TTBK2: variants seen among roughly 807,000 people sequenced by gnomAD.
TTBK2 encodes the protein tau tubulin kinase 2.
TTBK2 carries 28 observed loss-of-function variants against 110.8 expected under a neutral mutation model. The ratio of observed to expected loss-of-function variants is 0.25; its 90% CI spans 0.19 to 0.35. TTBK2 has a LOEUF of 0.35. Among genes scored for constraint, TTBK2 ranks in the 10% least tolerant of loss-of-function variants. The probability of loss-of-function intolerance (pLI) is 1.00; values close to 1 mark genes in which losing one functional copy is unlikely to be tolerated. For missense variants in TTBK2, 1,369 were observed against 1,500.3 expected, an observed-to-expected ratio of 0.91 and a Z score of 1.45; for synonymous variants, 532 against 527.3, an observed-to-expected ratio of 1.01 and a Z score of -0.12.
intron 3 of TTBK2, among the ~76,000 whole-genome samples, chr15:42,870,800 G>T (rs1032671894): frequency 5.3e-5 from 8 of 150,778 alleles, no homozygotes; most frequent in Admixed American, 4.6e-4. Flanking sequence ...GGTGGAGGCT[G>T]CAGTGAGCCG....
chr15:42,764,792 C>CAG (rs1889278513), intron 13 of TTBK2, among the ~76,000 whole-genome samples: 1 of 152,248 alleles, frequency 6.6e-6, no homozygotes, highest in Admixed American at 6.5e-5. Flanking sequence ...GGAGAATGGA[C>CAG]AGACTGCCTC....
rs1271122572 is a variant in TTBK2 at position 42,878,790 on chromosome 15, G to T, written c.-67-106C>A. 4 of 1,391,998 alleles carry T rather than the reference G, an allele frequency of 2.9e-6. No homozygotes were observed. The East Asian group carries it at 1.0e-4, about 36-fold the overall frequency. The allele number at this position is 1,391,998 out of a possible 1,614,324, so 86.2% of individuals were successfully genotyped here. A position where few individuals can be genotyped will look rare whatever the true frequency, so the allele number is the denominator to read the frequency against. On this transcript the variant is annotated intron_variant, in intron 1 of 14. Transcript: ENST00000267890. ...ACTACTAATACTATACACTAATTAG[G>T]CTATTTTGTTGGGAAGAAGGGGAAA...
chr15:42,903,695 C>T (rs544236362), intron 1 of TTBK2, among the ~76,000 whole-genome samples: 2 of 152,188 alleles, frequency 1.3e-5, no homozygotes, highest in African/African-American at 4.8e-5. Context: ...AAAAATGGCT[C>T]TCAATGACCC....
At chr15:42,796,221 T>C (rs1049106171) in intron 9 of TTBK2, among the ~76,000 whole-genome samples, 3 of 152,058 alleles carry the variant, frequency 2.0e-5, no homozygotes, top group Admixed American at 6.6e-5. Context: ...CTGGCCAACA[T>C]GGTGAAACTC....
intron 4 of TTBK2, among the ~76,000 whole-genome samples, chr15:42,832,099 T>C (rs1892785565): frequency 6.6e-6 from 1 of 152,198 alleles, no homozygotes; most frequent in South Asian, 2.1e-4. Context: ...ATAGTTATTA[T>C]TTTTAATGGA....
intron 9 of TTBK2, chr15:42,800,951 C>A: frequency 1.4e-6 from 1 of 737,978 alleles, no homozygotes; most frequent in Non-Finnish European, 2.5e-6. Context: ...GAGGGACAGG[C>A]TGGGAGGGGC....
chr15:42,824,441 T>C (rs1238703743), intron 6 of TTBK2, among the ~76,000 whole-genome samples: 2 of 152,204 alleles, frequency 1.3e-5, no homozygotes, highest in Non-Finnish European at 2.9e-5. Context: ...TGGAGGAAGC[T>C]GGATGAAGGT....
At chr15:42,808,649 C>T (rs1440651787) in intron 9 of TTBK2, among the ~76,000 whole-genome samples, 1 of 151,470 alleles carries the variant, frequency 6.6e-6, no homozygotes, top group Non-Finnish European at 1.5e-5. Flanking sequence ...CAGTTTGAGA[C>T]CTGCTTGGGC....
chr15:42,910,360 T>C (rs1157586937), intron 1 of TTBK2, among the ~76,000 whole-genome samples: 2 of 152,120 alleles, frequency 1.3e-5, no homozygotes, highest in Non-Finnish European at 2.9e-5. Flanking sequence ...ACGCACACAA[T>C]TTACGTCCTC....
chr15:42,809,572 T>C (rs886614477), intron 9 of TTBK2, among the ~76,000 whole-genome samples: 4 of 152,212 alleles, frequency 2.6e-5, no homozygotes, highest in Non-Finnish European at 2.9e-5. Flanking sequence ...TTAAGTAATG[T>C]GAACTGTATA....
At position 42,752,250 on chromosome 15, in the gene TTBK2, G is replaced by C; in HGVS notation, c.2996C>G (p.Ser999Cys). The C allele has an allele frequency of 6.2e-7, 1 of 1,614,130 alleles. No individual in the cohort carries two copies. Residue 999 changes from serine to cysteine, a missense_variant, in exon 14 of 15, where the codon TCT (serine) becomes TGT (cysteine). Transcript: ENST00000267890. The stretch of plus-strand genomic sequence containing the variant: ...TAGTTTCTCCTCTAGCAATTTATCA[G>C]AGGCACTTGAGAGGTCGCCAAGGAA... ...KSFLGDLSSA[S>C]DKLLEEKLAT...
chr15:42,865,734 G>A (rs1371131996), intron 3 of TTBK2, among the ~76,000 whole-genome samples: 1 of 151,962 alleles, frequency 6.6e-6, no homozygotes, highest in East Asian at 1.9e-4. Context: ...AAAGCAAGAG[G>A]ATCACTTGAG....
rs1895008519 is a variant in TTBK2 at position 42,880,818 on chromosome 15, TA to T, written c.-67-2135del. On this transcript the variant is annotated intron_variant, in intron 1 of 14. Transcript: ENST00000267890. ...GGAATGTTCAAGAGACAAAAATTTT[TA>T]AAAAACACTAAAAATAAAGGACAAT... is the stretch of plus-strand genomic sequence containing the variant. Among the ~76,000 whole-genome samples the T allele has an allele frequency of 5.3e-5, 8 of 151,940 alleles. No homozygotes were observed. In the South Asian group the frequency reaches 1.7e-3, roughly 32 times the overall value.
chr15:42,909,532 A>C (rs1429261363), intron 1 of TTBK2, among the ~76,000 whole-genome samples: 1 of 152,190 alleles, frequency 6.6e-6, no homozygotes, highest in Non-Finnish European at 1.5e-5. Flanking sequence ...ATATATGCAA[A>C]GTCTCTTCTG....
At chr15:42,914,370 G>C (rs2030966201) in intron 1 of TTBK2, among the ~76,000 whole-genome samples, 1 of 152,184 alleles carries the variant, frequency 6.6e-6, no homozygotes, top group South Asian at 2.1e-4. Context: ...TACATTTAAT[G>C]AATCACCGAT....
intron 6 of TTBK2, among the ~76,000 whole-genome samples, chr15:42,823,738 AT>A (rs57341447): frequency 0.15 from 21,393 of 144,918 alleles, 1,859 homozygotes; most frequent in Admixed American, 0.24. Context: ...TTTTTGTGTG[AT>A]TTTTTTTTTT....
intron 1 of TTBK2, among the ~76,000 whole-genome samples, chr15:42,897,986 T>C (rs1260796067): frequency 6.6e-6 from 1 of 151,978 alleles, no homozygotes; most frequent in Non-Finnish European, 1.5e-5. Flanking sequence ...GCCCAAGAGT[T>C]TGAAATCAGC....
chr15:42,763,135 TATACATACATATATATATATAC>T (rs1178769104), intron 13 of TTBK2, among the ~76,000 whole-genome samples: 121 of 93,430 alleles, frequency 1.3e-3, no homozygotes, highest in African/African-American at 5.6e-3. Flanking sequence ...TATATACATA[TATACATACATATATATATATAC>T]ATATATATAT....
chr15:42,879,198 T>C (rs533280283), intron 1 of TTBK2, among the ~76,000 whole-genome samples: 1 of 152,178 alleles, frequency 6.6e-6, no homozygotes, highest in Non-Finnish European at 1.5e-5. Flanking sequence ...ACTAATAAGA[T>C]GAACAGCATA....
Sources: allele counts gnomAD v4.1 joint callset (sites outside exome capture counted in the v4.1 genomes callset), GRCh38; gene constraint gnomAD v4.1.1; transcripts MANE v1.5; gene names NCBI Gene and HGNC (gene_info 2026-07-23, HGNC 2026-07-21).